The following UNC13C variants were observed in gnomAD, a reference collection of about 807,000 sequenced individuals.
UNC13C encodes the protein unc-13 homolog C.
Under a neutral mutation model 245.4 loss-of-function variants are expected in UNC13C, and 174 were observed. The ratio of observed to expected loss-of-function variants is 0.71; its 90% CI spans 0.63 to 0.80. The LOEUF (loss-of-function observed/expected upper bound fraction) is 0.80. UNC13C is among the 30% of genes least tolerant of loss of function. The pLI is 0.00. For missense variants in UNC13C, 2,829 were observed against 2,602.9 expected (o/e 1.09, Z -1.89); for synonymous variants, 992 against 895.1 (o/e 1.11, Z -1.93).
intron 4 of UNC13C, among the ~76,000 whole-genome samples, chr15:54,200,217 C>G (rs1165650080): frequency 6.6e-6 from 1 of 152,040 alleles, no homozygotes; most frequent in African/African-American, 2.4e-5. Flanking sequence ...AGGAGAGAGA[C>G]AGCAACATAT....
intron 2 of UNC13C, among the ~76,000 whole-genome samples, chr15:54,127,972 G>A (rs566975558): frequency 2.0e-5 from 3 of 151,698 alleles, no homozygotes; most frequent in Admixed American, 1.3e-4. Context: ...AAAAGAAGTC[G>A]AAATATCTCT....
intron 4 of UNC13C, among the ~76,000 whole-genome samples, chr15:54,231,063 T>C (rs2035537493): frequency 1.3e-5 from 2 of 152,148 alleles, no homozygotes; most frequent in South Asian, 4.1e-4. Context: ...TCTTTATTCC[T>C]AAGAAGAACA....
chr15:54,502,989 G>C (rs1449072817), intron 22 of UNC13C, among the ~76,000 whole-genome samples: 1 of 152,048 alleles, frequency 6.6e-6, no homozygotes. Context: ...ATAACCAAAT[G>C]TACTGAATGG....
chr15:54,073,865 A>G (rs1197555301), intron 2 of UNC13C, among the ~76,000 whole-genome samples: 1 of 152,202 alleles, frequency 6.6e-6, no homozygotes, highest in East Asian at 1.9e-4. Context: ...TTTGCTGTGC[A>G]GAAGCTCTTT....
chr15:54,167,518 AAG>A (rs1320899095), intron 4 of UNC13C, among the ~76,000 whole-genome samples: 1 of 147,324 alleles, frequency 6.8e-6, no homozygotes, highest in Non-Finnish European at 1.5e-5. Context: ...AAAAAAAAAA[AAG>A]AAAAGAAAAA....
chr15:54,311,415 A>G (rs2037869649), intron 13 of UNC13C, among the ~76,000 whole-genome samples: 1 of 151,750 alleles, frequency 6.6e-6, no homozygotes, highest in African/African-American at 2.4e-5. Context: ...CAAACAACAA[A>G]AGTTTTGCTG....
chr15:54,567,095 T>C (rs1021648446), intron 29 of UNC13C, among the ~76,000 whole-genome samples: 3 of 152,110 alleles, frequency 2.0e-5, no homozygotes, highest in Non-Finnish European at 4.4e-5. Flanking sequence ...GCATAACACT[T>C]GTAGTATGAA....
intron 2 of UNC13C, among the ~76,000 whole-genome samples, chr15:54,101,380 G>T (rs1163135746): frequency 6.6e-6 from 1 of 151,836 alleles, no homozygotes; most frequent in Admixed American, 6.6e-5. Flanking sequence ...GTTTCCTTTT[G>T]TTCTCATCTC....
At chr15:53,861,049 A>G in the UNC13C span, among the ~76,000 whole-genome samples, 2 of 152,208 alleles carry the variant, frequency 1.3e-5, no homozygotes, top group Non-Finnish European at 2.9e-5. Flanking sequence ...TCTGAAAGCT[A>G]GAGATACTTT....
At chr15:54,467,319 G>T (rs1892228545) in intron 19 of UNC13C, among the ~76,000 whole-genome samples, 1 of 151,530 alleles carries the variant, frequency 6.6e-6, no homozygotes, top group Non-Finnish European at 1.5e-5. Flanking sequence ...CCAAATATTT[G>T]CCAACAATTT....
intron 30 of UNC13C, among the ~76,000 whole-genome samples, chr15:54,593,202 A>G (rs1898896480): frequency 6.6e-6 from 1 of 152,120 alleles, no homozygotes. Context: ...GTTTTCTTTT[A>G]TAGGTTACCT....
At chr15:54,062,574 C>G (rs1467884916) in intron 2 of UNC13C, among the ~76,000 whole-genome samples, 1 of 152,146 alleles carries the variant, frequency 6.6e-6, no homozygotes, top group Non-Finnish European at 1.5e-5. Flanking sequence ...TGTATAACTT[C>G]TACTTCAGGA....
chr15:54,286,881 T>G (rs1345219040), intron 10 of UNC13C, among the ~76,000 whole-genome samples: 3 of 152,150 alleles, frequency 2.0e-5, no homozygotes, highest in Non-Finnish European at 4.4e-5. Context: ...ATAAAAGACC[T>G]TATTCCCATG....
the UNC13C span, among the ~76,000 whole-genome samples, chr15:53,894,737 C>A: frequency 6.6e-6 from 1 of 152,098 alleles, no homozygotes; most frequent in Non-Finnish European, 1.5e-5. Context: ...ACATTTCTTT[C>A]TGAAATATTT....
At chr15:53,869,709 G>A in the UNC13C span, among the ~76,000 whole-genome samples, 1 of 152,198 alleles carries the variant, frequency 6.6e-6, no homozygotes, top group African/African-American at 2.4e-5. Flanking sequence ...GGAAGGTGCT[G>A]TAAAGAGTAG....
intron 1 of UNC13C, among the ~76,000 whole-genome samples, chr15:53,998,988 C>A (rs1159658884): frequency 1.3e-5 from 2 of 151,982 alleles, no homozygotes; most frequent in East Asian, 3.9e-4. Context: ...TTACACATTT[C>A]TATATTTTAT....
intron 4 of UNC13C, among the ~76,000 whole-genome samples, chr15:54,233,216 C>T: frequency 6.6e-6 from 1 of 152,096 alleles, no homozygotes; most frequent in Middle Eastern, 3.2e-3. Context: ...TGAGGGAAAT[C>T]ATATTAGCTA....
intron 19 of UNC13C, among the ~76,000 whole-genome samples, chr15:54,432,456 C>A (rs1022473908): frequency 6.6e-6 from 1 of 151,794 alleles, no homozygotes; most frequent in South Asian, 2.1e-4. Context: ...CACTCAAAAC[C>A]GCACAACTAC....
intron 18 of UNC13C, among the ~76,000 whole-genome samples, chr15:54,393,464 T>A (rs2040006226): frequency 6.6e-6 from 1 of 151,786 alleles, no homozygotes; most frequent in Admixed American, 6.6e-5. Context: ...TTCATAGCTA[T>A]ACCATTGTCT....
Sources: gnomAD v4.1 joint callset for allele counts (sites outside exome capture counted in the v4.1 genomes callset) on GRCh38, gnomAD v4.1.1 for gene constraint, MANE v1.5 for transcripts, NCBI Gene and HGNC (gene_info 2026-07-23, HGNC 2026-07-21) for gene names.